The following SLC5A4 variants were observed in gnomAD, a reference collection of about 807,000 sequenced individuals.
SLC5A4 encodes solute carrier family 5 member 4.
Under a neutral mutation model 70.3 loss-of-function variants are expected in SLC5A4, and 55 were observed. The observed-to-expected ratio is 0.78, with a 90% CI of 0.63 to 0.98. SLC5A4 has a LOEUF of 0.98. Among genes scored for constraint, SLC5A4 ranks in the 50% least tolerant of loss-of-function variants. SLC5A4 has a pLI of 0.00. For missense variants in SLC5A4, 735 were observed against 839.2 expected, an observed-to-expected ratio of 0.88 and a Z score of 1.53; for synonymous variants, 268 against 305.7, an observed-to-expected ratio of 0.88 and a Z score of 1.29.
At chr22:32,306,591 A>G in the SLC5A4 span, among the ~76,000 whole-genome samples, 1 of 152,152 alleles carries the variant, frequency 6.6e-6, no homozygotes, top group African/African-American at 2.4e-5. Flanking sequence ...ATCAGCTCTC[A>G]GAGAGACCCC....
chr22:32,342,178 T>C, the SLC5A4 span, among the ~76,000 whole-genome samples: 30,786 of 152,040 alleles, frequency 0.2, 3,375 homozygotes, highest in East Asian at 0.35. Context: ...TGCTACACAT[T>C]ATAACTAAAA....
At chr22:32,294,253 C>T in the SLC5A4 span, among the ~76,000 whole-genome samples, 72,859 of 151,966 alleles carry the variant, frequency 0.48, 17,618 homozygotes, top group Admixed American at 0.51. Context: ...CCTTTTATCC[C>T]CTGCTCTTCA....
chr22:32,340,519 G>A, the SLC5A4 span, among the ~76,000 whole-genome samples: 1 of 152,346 alleles, frequency 6.6e-6, no homozygotes, highest in South Asian at 2.1e-4. Flanking sequence ...AGGCGGCGAC[G>A]CACGTGACAA....
the SLC5A4 span, among the ~76,000 whole-genome samples, chr22:32,261,999 A>T: frequency 6.6e-6 from 1 of 152,200 alleles, no homozygotes; most frequent in Non-Finnish European, 1.5e-5. Flanking sequence ...TGCAAATGAC[A>T]TGATCTCCTT....
the SLC5A4 span, among the ~76,000 whole-genome samples, chr22:32,305,319 C>CGAGA: frequency 7.7e-6 from 1 of 130,342 alleles, no homozygotes. Context: ...TGTAGTCTCT[C>CGAGA]TGCCTGTCTC....
upstream of SLC5A4, among the ~76,000 whole-genome samples, chr22:32,257,758 TGGGTTCAA>T (rs1927566522): frequency 6.6e-6 from 1 of 151,392 alleles, no homozygotes; most frequent in Non-Finnish European, 1.5e-5. Context: ...CTCCATTTCC[TGGGTTCAA>T]GCGATTCTCC....
the SLC5A4 span, among the ~76,000 whole-genome samples, chr22:32,328,623 A>C: frequency 8.0e-6 from 1 of 124,676 alleles, no homozygotes; most frequent in Non-Finnish European, 1.6e-5. Context: ...GAGAATGACC[A>C]TAGTCTCAGC....
the SLC5A4 span, chr22:32,272,444 T>G: frequency 1.7e-5 from 14 of 839,034 alleles, no homozygotes; most frequent in Non-Finnish European, 2.4e-5. Context: ...ATCCACCAGA[T>G]GATCAGCGTC....
the SLC5A4 span, among the ~76,000 whole-genome samples, chr22:32,339,114 G>A: frequency 6.6e-6 from 1 of 152,172 alleles, no homozygotes; most frequent in Admixed American, 6.5e-5. Flanking sequence ...GATTCAATAG[G>A]AGAATAAAAT....
the SLC5A4 span, among the ~76,000 whole-genome samples, chr22:32,340,480 GCACAAAGC>G: frequency 6.6e-6 from 1 of 152,194 alleles, no homozygotes; most frequent in South Asian, 2.1e-4. Flanking sequence ...GAGGAGACAG[GCACAAAGC>G]CACAAAGCAA....
At chr22:32,290,668 G>C in the SLC5A4 span, among the ~76,000 whole-genome samples, 2 of 152,272 alleles carry the variant, frequency 1.3e-5, no homozygotes, top group East Asian at 3.9e-4. Flanking sequence ...GGAAGTCCAA[G>C]ATCAGGGAAC....
intron 5 of SLC5A4, among the ~76,000 whole-genome samples, chr22:32,241,488 T>G (rs1041836148): frequency 5.3e-5 from 8 of 152,010 alleles, no homozygotes; most frequent in Non-Finnish European, 1.2e-4. Context: ...TCATAGTTTG[T>G]TTTTTTTGTA....
the SLC5A4 span, among the ~76,000 whole-genome samples, chr22:32,305,303 C>CTTGCCTACGA: frequency 1.3e-5 from 2 of 150,200 alleles, no homozygotes; most frequent in Non-Finnish European, 2.9e-5. Flanking sequence ...TGACTGCTCC[C>CTTGCCTACGA]GGGCTTGTAG....
At position 32,230,955 on chromosome 22, in the gene SLC5A4, G is replaced by A. The variant is rs1393536195; in HGVS notation, c.1129+13C>T. 2 of 1,581,492 alleles carry A rather than the reference G, an allele frequency of 1.3e-6. No individual in the cohort carries two copies. The highest frequency in any genetic ancestry group is 1.7e-6 in the Non-Finnish European group (2 of 1,150,396). On this transcript the variant is annotated intron_variant, in intron 10 of 14. Coordinates refer to ENST00000266086, the MANE Select transcript of SLC5A4 (RefSeq NM_014227.3). ...AGGCCTCTGGGGCTGTCCCAGCAGG[G>A]ACATTTTCCTACCTTGGGGCATCAG...
the SLC5A4 span, among the ~76,000 whole-genome samples, chr22:32,308,069 CTTCT>C: frequency 6.6e-6 from 1 of 152,042 alleles, no homozygotes; most frequent in South Asian, 2.1e-4. Context: ...TCCTTCCTTC[CTTCT>C]TACCTACCTA....
In SLC5A4 at chr22:32,225,459, T is replaced by C. The variant is rs62239040; in HGVS notation, c.1449+196A>G. ...TACGTAATATTTTGTAAGAAACATATAAAGACTGTACTATGAATGTGCGCT... is the reference window on the plus strand; with the variant it reads ...TACGTAATATTTTGTAAGAAACATACAAAGACTGTACTATGAATGTGCGCT... On this transcript the variant is annotated intron_variant, in intron 12 of 14. Coordinates refer to ENST00000266086, the MANE Select transcript of SLC5A4 (RefSeq NM_014227.3). Among the ~76,000 whole-genome samples, 1,411 of 152,304 alleles carry C rather than the reference T, an allele frequency of 9.3e-3. 7 individuals carry two copies. The highest frequency in any genetic ancestry group is 0.018 in the South Asian group (87 of 4,828).
chr22:32,255,233 C>G lies in SLC5A4; in HGVS notation c.97G>C (p.Val33Leu), dbSNP rs1477993090. Reference sequence around the variant, plus strand: ...GCCATCACCACCAGAAAATAGATGACAATGACTGAGATGTCAGCAGCATTT... The same window carrying G: ...GCCATCACCACCAGAAAATAGATGAGAATGACTGAGATGTCAGCAGCATTT... ...IRNAADISVI[V>L]IYFLVVMAVG... Residue 33 changes from valine (V) to leucine (L), a missense_variant, in exon 1 of 15, where the codon GTC becomes CTC. Val to Leu is a conservative substitution (Grantham distance 32, BLOSUM62 1). Transcript: ENST00000266086. 12 of 1,613,952 alleles carry G rather than the reference C, an allele frequency of 7.4e-6. No individual in the cohort carries two copies. The highest frequency in any genetic ancestry group is 1.0e-5 in the Non-Finnish European group (12 of 1,180,024).
chr22:32,307,955 T>C, the SLC5A4 span, among the ~76,000 whole-genome samples: 1 of 151,544 alleles, frequency 6.6e-6, no homozygotes, highest in Non-Finnish European at 1.5e-5. Flanking sequence ...CCCTAGATTT[T>C]CACGGCAGAC....
intron 2 of SLC5A4, among the ~76,000 whole-genome samples, chr22:32,252,448 A>G (rs941037371): frequency 1.3e-5 from 2 of 152,168 alleles, no homozygotes; most frequent in Non-Finnish European, 2.9e-5. Context: ...GAAATTGTAA[A>G]CTTGTGAAAT....
Sources: gnomAD v4.1 joint callset for allele counts (sites outside exome capture counted in the v4.1 genomes callset) on GRCh38, gnomAD v4.1.1 for gene constraint, MANE v1.5 for transcripts, NCBI Gene and HGNC (gene_info 2026-07-23, HGNC 2026-07-21) for gene names.